Variants in SLC24A3 observed in about 807,000 individuals in gnomAD.
SLC24A3 encodes the protein solute carrier family 24 member 3, also known as sodium/potassium/calcium exchanger 3.
A neutral mutation model predicts 75.8 loss-of-function variants in SLC24A3; 28 were observed. That is an observed-to-expected ratio of 0.37 (90% CI 0.27 to 0.51). SLC24A3 has a LOEUF of 0.51. SLC24A3 is among the 20% of genes least tolerant of loss of function. The probability of loss-of-function intolerance (pLI) is 0.94; values close to 1 mark genes in which losing one functional copy is unlikely to be tolerated. For missense variants in SLC24A3, 663 were observed against 847.8 expected, an observed-to-expected ratio of 0.78 and a Z score of 2.71; for synonymous variants, 372 against 334.1, an observed-to-expected ratio of 1.11 and a Z score of -1.24.
At chr20:19,282,847 G>T (rs1441138693) in intron 2 of SLC24A3, among the ~76,000 whole-genome samples, 2 of 152,186 alleles carry the variant, frequency 1.3e-5, no homozygotes, top group Non-Finnish European at 2.9e-5. Context: ...ATTGCTCACT[G>T]TATTGGGAAA....
At chr20:19,277,998 G>C (rs1983537372) in intron 1 of SLC24A3, among the ~76,000 whole-genome samples, 1 of 151,450 alleles carries the variant, frequency 6.6e-6, no homozygotes, top group Non-Finnish European at 1.5e-5. Flanking sequence ...TTTAGGTACT[G>C]TGTAGATGGG....
chr20:19,585,577 T>A, intron 6 of SLC24A3, 33 bp downstream of exon 6: 2 of 1,597,118 alleles, frequency 1.3e-6, no homozygotes, highest in Non-Finnish European at 1.7e-6. Flanking sequence ...GATGGCAAAA[T>A]GTGACATTGG....
chr20:19,360,076 G>T (rs1019688405), intron 2 of SLC24A3, among the ~76,000 whole-genome samples: 2 of 152,200 alleles, frequency 1.3e-5, no homozygotes, highest in African/African-American at 4.8e-5. Context: ...CCATAGGCAT[G>T]AATGGAAACT....
At chr20:19,400,294 T>G (rs190141069) in intron 2 of SLC24A3, among the ~76,000 whole-genome samples, 16 of 152,324 alleles carry the variant, frequency 1.1e-4, no homozygotes, top group Admixed American at 7.8e-4. Context: ...GTTAGGTTAC[T>G]TGGACACAGT....
chr20:19,482,290 C>T (rs1419433452), intron 2 of SLC24A3, among the ~76,000 whole-genome samples: 2 of 152,258 alleles, frequency 1.3e-5, no homozygotes, highest in East Asian at 3.9e-4. Context: ...TTTCCTCAAG[C>T]CTCATTCTCC....
intron 3 of SLC24A3, among the ~76,000 whole-genome samples, chr20:19,533,583 G>T (rs1389067989): frequency 6.6e-6 from 1 of 152,216 alleles, no homozygotes. Context: ...TGCAGAGGCA[G>T]AGGGGAGAGA....
intron 6 of SLC24A3, among the ~76,000 whole-genome samples, chr20:19,644,926 T>G (rs553433199): frequency 6.6e-6 from 1 of 152,218 alleles, no homozygotes; most frequent in South Asian, 2.1e-4. Flanking sequence ...TAAGCACTTT[T>G]ATCTAGCATT....
intron 2 of SLC24A3, among the ~76,000 whole-genome samples, chr20:19,290,809 A>C (rs746100780): frequency 7.2e-5 from 11 of 152,170 alleles, no homozygotes; most frequent in Non-Finnish European, 1.0e-4. Context: ...AGATGAATAA[A>C]GGGAGACCGC....
chr20:19,717,161 A>G (rs2122176770), intron 15 of SLC24A3, among the ~76,000 whole-genome samples: 1 of 152,340 alleles, frequency 6.6e-6, no homozygotes, highest in South Asian at 2.1e-4. Context: ...GGTTTGAGAA[A>G]GTAAAAGTTC....
chr20:19,667,604 G>T (rs990379155), intron 8 of SLC24A3, among the ~76,000 whole-genome samples: 1 of 152,178 alleles, frequency 6.6e-6, no homozygotes, highest in Admixed American at 6.5e-5. Context: ...TGCAGCTGTT[G>T]TGCAGAAACA....
At chr20:19,409,104 T>C (rs367907129) in intron 2 of SLC24A3, among the ~76,000 whole-genome samples, 7 of 152,084 alleles carry the variant, frequency 4.6e-5, no homozygotes, top group African/African-American at 1.2e-4. Flanking sequence ...ACTGAGTTGA[T>C]TGGTGAGGAG....
chr20:19,484,560 C>T (rs1988102058), intron 2 of SLC24A3, among the ~76,000 whole-genome samples: 1 of 152,186 alleles, frequency 6.6e-6, no homozygotes, highest in African/African-American at 2.4e-5. Flanking sequence ...GCCTTGAAGA[C>T]ATTATGCTAA....
intron 2 of SLC24A3, among the ~76,000 whole-genome samples, chr20:19,448,521 C>T (rs965354900): frequency 5.3e-5 from 8 of 152,172 alleles, no homozygotes; most frequent in Admixed American, 3.9e-4. Flanking sequence ...CGAATCACAG[C>T]GTCCAACAGT....
chr20:19,460,744 A>T (rs1439490128), intron 2 of SLC24A3, among the ~76,000 whole-genome samples: 1 of 152,206 alleles, frequency 6.6e-6, no homozygotes. Context: ...GAGAGACTGC[A>T]AAGCCTCATA....
At chr20:19,653,689 G>A (rs2032233017) in intron 6 of SLC24A3, among the ~76,000 whole-genome samples, 1 of 152,134 alleles carries the variant, frequency 6.6e-6, no homozygotes, top group Admixed American at 6.5e-5. Flanking sequence ...TGCATTGAGG[G>A]TTCCCTGGGC....
intron 1 of SLC24A3, among the ~76,000 whole-genome samples, chr20:19,258,082 A>C (rs1481304183): frequency 6.6e-6 from 1 of 152,246 alleles, no homozygotes; most frequent in South Asian, 2.1e-4. Flanking sequence ...GCACTCAGGT[A>C]GTTTCCTGTT....
At chr20:19,708,740 C>T (rs536274719) in intron 15 of SLC24A3, among the ~76,000 whole-genome samples, 2 of 152,332 alleles carry the variant, frequency 1.3e-5, no homozygotes, top group Admixed American at 1.3e-4. Context: ...GTGGTGATGT[C>T]TTAATGAACG....
Position 19,698,617 on chromosome 20 carries a change from C to A in SLC24A3, c.1656C>A (p.Asp552Glu). 6.3e-7 allele frequency: 1 copy of A among 1,596,664 alleles called. No individual in the cohort carries two copies. ...ACTCCATTGGGAGCAACGTGTTTGA[C>A]ATCCTGATTGGCCTCGGTCTCCCCT... The part of the protein sequence containing the change: ...VSNSIGSNVF[D>E]ILIGLGLPWA... Residue 552 changes from aspartate (D) to glutamate (E), a missense_variant, in exon 15 of 17, where the codon GAC (aspartate) becomes GAA (glutamate). Around this residue, in one of 2 missense-constraint regions of SLC24A3, gnomAD observed 510 missense variants for 703.6 expected, o/e 0.72. Transcript: ENST00000328041.
chr20:19,317,542 T>G (rs1443315152), intron 2 of SLC24A3, among the ~76,000 whole-genome samples: 1 of 152,176 alleles, frequency 6.6e-6, no homozygotes, highest in African/African-American at 2.4e-5. Flanking sequence ...GGCCATGCCT[T>G]CTCAGGCCAC....
Sources: gnomAD v4.1 joint callset for allele counts (sites outside exome capture counted in the v4.1 genomes callset) on GRCh38, gnomAD v4.1.1 for gene constraint, gnomAD v4.1.1 regional missense constraint, MANE v1.5 for transcripts, NCBI Gene and HGNC (gene_info 2026-07-23, HGNC 2026-07-21) for gene names.